HOXD10: variants seen among roughly 807,000 people sequenced by gnomAD.
HOXD10 encodes the protein homeobox D10.
A neutral mutation model predicts 27.0 loss-of-function variants in HOXD10; 15 were observed. That is an observed-to-expected ratio of 0.56 (90% CI 0.37 to 0.85). The LOEUF (loss-of-function observed/expected upper bound fraction) is 0.85. HOXD10 is among the 40% of genes least tolerant of loss of function. The pLI, the probability that HOXD10 is intolerant of heterozygous loss-of-function variation, is 0.00. For missense variants in HOXD10, 440 were observed against 430.4 expected, an observed-to-expected ratio of 1.02 and a Z score of -0.20; for synonymous variants, 178 against 160.9, an observed-to-expected ratio of 1.11 and a Z score of -0.80.
chr2:176,118,370 G>A (rs1574953345), intron 1 of HOXD10, among the ~76,000 whole-genome samples: 1 of 152,180 alleles, frequency 6.6e-6, no homozygotes, highest in Non-Finnish European at 1.5e-5. Flanking sequence ...GGAAATTCTG[G>A]GGAATGCAAC....
rs71409068 is a variant in HOXD10 at position 176,119,435 on chromosome 2, G to GTATGTATATATA, written c.*207_*208insGTATATATATAT. ...TGCAAGTGATCTGTAATCCCTATGA[G>GTATGTATATATA]TATATATATATATATATATATATAT... On this transcript the variant is annotated 3_prime_UTR_variant, in exon 2 of 2. Coordinates refer to ENST00000249501, the MANE Select transcript of HOXD10 (RefSeq NM_002148.4). 29 of 178,034 alleles carry GTATGTATATATA rather than the reference G, an allele frequency of 1.6e-4. No homozygotes were observed. The highest frequency in any genetic ancestry group is 8.8e-4 in the African/African-American group (19 of 21,524). 11.0% of individuals were successfully genotyped at this position (178,034 alleles called of 1,614,324 possible).
At position 176,117,228 on chromosome 2, in the gene HOXD10, A is replaced by G. The variant is rs1180072767; in HGVS notation, c.395A>G (p.Gln132Arg). 3 of 1,611,926 alleles carry G rather than the reference A, an allele frequency of 1.9e-6. No homozygotes were observed. Among genetic ancestry groups the G allele is most frequent in the African/African-American group, 1.3e-5 (1 of 74,998 alleles). The change falls in exon 1 of 2, where the codon CAG becomes CGG. Residue 132 changes from glutamine (Q) to arginine (R), a missense_variant. Gln to Arg is a conservative substitution (Grantham distance 43, BLOSUM62 1). Coordinates refer to ENST00000249501, the MANE Select transcript of HOXD10 (RefSeq NM_002148.4). ...ATTTCGGCCGAGGTCCCTTCGTACC[A>G]GAGGCTGGTCCCTGAGTCTTGTCCC... is the stretch of plus-strand genomic sequence containing the variant. Reference protein sequence around the residue: ...KLISAEVPSYQRLVPESCPVE... With the variant: ...KLISAEVPSYRRLVPESCPVE...
rs758777069 is a variant in HOXD10, at chr2:176,117,064, A to G, written c.231A>G (p.Gln77=). 3.7e-6 allele frequency: 6 copies of G among 1,614,228 alleles called. No individual in the cohort carries two copies. In the Admixed American group the frequency reaches 8.3e-5, roughly 22 times the overall value. Residue 77 remains glutamine (Q), a synonymous_variant, in exon 1 of 2, where the codon CAA becomes CAG. Transcript: ENST00000249501. The part of the protein sequence containing the change: ...MGMNVHPYIP[Q]VDSWTDPNRS... ...TGAATGTGCATCCTTATATACCTCA[A>G]GTAGACAGTTGGACAGATCCGAACA...
rs542070521 is a variant in HOXD10 at position 176,119,041 on chromosome 2, C to A, written c.833C>A (p.Thr278Lys). The part of the protein sequence containing the change: ...KKRCPYTKHQ[T>K]LELEKEFLFN... ...AGGTGCCCTTACACTAAGCACCAAA[C>A]GCTGGAATTAGAAAAAGAGTTCTTG... Residue 278 changes from threonine (T) to lysine (K), a missense_variant, in exon 2 of 2, where the codon ACG becomes AAG. Thr to Lys is a moderately conservative substitution (Grantham distance 78, BLOSUM62 -1). Transcript: ENST00000249501. The A allele has an allele frequency of 2.5e-6, 4 of 1,613,986 alleles. No homozygotes were observed. In the South Asian group the frequency reaches 4.4e-5, roughly 18 times the overall value.
chr2:176,117,485 A>G lies in HOXD10; in HGVS notation c.652A>G (p.Ser218Gly), dbSNP rs1442041568. The change falls in exon 1 of 2, where the codon AGC (serine) becomes GGC (glycine). Residue 218 changes from serine (S) to glycine (G), a missense_variant. Ser to Gly is a moderately conservative substitution (Grantham distance 56). Coordinates refer to ENST00000249501, the MANE Select transcript of HOXD10 (RefSeq NM_002148.4). ...GCCCACCAAAGTCTCCCAGGTGGAGAGCCCCGAGGCCAAAGGCGGCCTTCC... is the reference window on the plus strand; with the variant it reads ...GCCCACCAAAGTCTCCCAGGTGGAGGGCCCCGAGGCCAAAGGCGGCCTTCC... Reference protein sequence around the residue: ...QEPTKVSQVESPEAKGGLPEE... With the variant: ...QEPTKVSQVEGPEAKGGLPEE... 6.2e-7 allele frequency: 1 copy of G among 1,613,122 alleles called. No individual in the cohort carries two copies. The highest frequency in any genetic ancestry group is 2.2e-5 in the East Asian group (1 of 44,890).
rs1689769065 is a variant in HOXD10 at position 176,117,107 on chromosome 2, C to CA, written c.276dup (p.Pro93ThrfsTer16). On this transcript the variant is annotated frameshift_variant, in exon 1 of 2. Transcript: ENST00000249501. LOFTEE classifies it high-confidence loss of function. Reference sequence around the variant, plus strand: ...TCCGAACAGATCTTGTCGAATAGAGCAACCTGTTACACAGCAAGTCCCCAC... The same window carrying CA: ...TCCGAACAGATCTTGTCGAATAGAGCAAACCTGTTACACAGCAAGTCCCCAC... 6.2e-7 allele frequency: 1 copy of CA among 1,614,072 alleles called. No homozygotes were observed. The highest frequency in any genetic ancestry group is 1.7e-5 in the Admixed American group (1 of 60,012).
Position 176,119,307 on chromosome 2 carries a change from G to T in HOXD10, c.*76G>T, listed in dbSNP as rs558709855. The T allele has an allele frequency of 6.8e-7, 1 of 1,467,322 alleles. No homozygotes were observed. Among genetic ancestry groups the T allele is most frequent in the Admixed American group, 1.8e-5 (1 of 55,008 alleles). 90.9% of individuals were successfully genotyped at this position (1,467,322 alleles called of 1,614,324 possible). On this transcript the variant is annotated 3_prime_UTR_variant, in exon 2 of 2. Coordinates refer to ENST00000249501, the MANE Select transcript of HOXD10 (RefSeq NM_002148.4). ...CCGCGTTCCAGGGCCCAGTGCTGGA[G>T]GACTGGGAAAGCGGAAACAAAACCT... is the stretch of plus-strand genomic sequence containing the variant.
At chr2:176,117,631 G>T (rs1339282226) in intron 1 of HOXD10, 53 bp downstream of exon 1, 4 of 1,601,822 alleles carry the variant, frequency 2.5e-6, no homozygotes, top group Non-Finnish European at 1.7e-6. Flanking sequence ...CGGGAACCCG[G>T]CAGAGAGGGA....
intron 1 of HOXD10, 39 bp from the exon 2 acceptor site, chr2:176,118,915 C>T: frequency 2.6e-6 from 4 of 1,563,010 alleles, no homozygotes; most frequent in Non-Finnish European, 3.5e-6. Context: ...AACAAAAAAC[C>T]TCTTGATTTT....
intron 1 of HOXD10, among the ~76,000 whole-genome samples, chr2:176,118,671 C>G (rs1028614865): frequency 6.6e-6 from 1 of 152,090 alleles, no homozygotes; most frequent in African/African-American, 2.4e-5. Context: ...AAAGAGAGAG[C>G]GAGAACCCAA....
In HOXD10 at chr2:176,117,549, G is replaced by A; in HGVS notation, c.716G>A (p.Ser239Asn). The A allele has an allele frequency of 6.2e-7, 1 of 1,613,198 alleles. No homozygotes were observed. Among genetic ancestry groups the A allele is most frequent in the Non-Finnish European group, 8.5e-7 (1 of 1,180,048 alleles). ...TGCCTGGCTGAGGTCTCCGTGTCCA[G>A]TCCCGAAGTGCAGGAGAAGGAAAGC... ...RSCLAEVSVSSPEVQEKESKE... is the reference protein window; with the variant it reads ...RSCLAEVSVSNPEVQEKESKE... Residue 239 changes from serine to asparagine, a missense_variant, in exon 1 of 2, where the codon AGT (serine) becomes AAT (asparagine). Ser to Asn is a conservative substitution (Grantham distance 46). Transcript: ENST00000249501.
Position 176,117,356 on chromosome 2 carries a change from A to G in HOXD10, c.523A>G (p.Thr175Ala), listed in dbSNP as rs766383927. The stretch of plus-strand genomic sequence containing the variant: ...CAATAATAGCCCCGAAGGCAGCTCC[A>G]CTGTCATGCTCCAGCTCAACCCTCG... ...EYNNSPEGSSTVMLQLNPRGA... is the reference protein window; with the variant it reads ...EYNNSPEGSSAVMLQLNPRGA... Residue 175 changes from threonine (T) to alanine (A), a missense_variant, in exon 1 of 2, where the codon ACT (threonine) becomes GCT (alanine). By Grantham distance (58) the Thr-to-Ala change is moderately conservative. Transcript: ENST00000249501. The G allele has an allele frequency of 6.2e-6, 10 of 1,613,408 alleles. No individual in the cohort carries two copies. Among genetic ancestry groups the G allele is most frequent in the Non-Finnish European group, 8.5e-6 (10 of 1,179,976 alleles).
intron 1 of HOXD10, 37 bp downstream of exon 1, chr2:176,117,615 G>A (rs915180720): frequency 4.4e-6 from 7 of 1,608,624 alleles, no homozygotes; most frequent in South Asian, 2.2e-5. Context: ...AGCGGGGCGC[G>A]CAGCCCGGGA....
rs1255316579 is a variant in HOXD10 at position 176,117,340 on chromosome 2, C to T, written c.507C>T (p.Ser169=). 1.2e-6 allele frequency: 2 copies of T among 1,613,718 alleles called. No individual in the cohort carries two copies. Among genetic ancestry groups the T allele is most frequent in the African/African-American group, 1.3e-5 (1 of 74,932 alleles). ...ATGKTQEYNN[S]PEGSSTVMLQ... Reference sequence around the variant, plus strand: ...GGAAAACCCAAGAGTACAATAATAGCCCCGAAGGCAGCTCCACTGTCATGC... The same window carrying T: ...GGAAAACCCAAGAGTACAATAATAGTCCCGAAGGCAGCTCCACTGTCATGC... Residue 169 remains serine (S), a synonymous_variant, in exon 1 of 2, where the codon AGC becomes AGT. Coordinates refer to ENST00000249501, the MANE Select transcript of HOXD10 (RefSeq NM_002148.4).
intron 1 of HOXD10, among the ~76,000 whole-genome samples, chr2:176,118,630 C>T (rs753033360): frequency 6.6e-6 from 1 of 152,164 alleles, no homozygotes; most frequent in African/African-American, 2.4e-5. Context: ...GTTTACTATT[C>T]TACTAATGTT....
At position 176,116,919 on chromosome 2, in the gene HOXD10, C is replaced by T; in HGVS notation, c.86C>T (p.Ser29Phe). ...ISACRSDSFY[S>F]SSASMYMPPP... ...GCCTGCAGGAGTGACAGTTTTTATT[C>T]CAGCAGCGCCAGCATGTACATGCCA... Residue 29 changes from serine (S) to phenylalanine (F), a missense_variant, in exon 1 of 2, where the codon TCC becomes TTC. Transcript: ENST00000249501. 1 of 1,614,090 alleles carries T rather than the reference C, an allele frequency of 6.2e-7. No individual in the cohort carries two copies. Among genetic ancestry groups the T allele is most frequent in the Non-Finnish European group, 8.5e-7 (1 of 1,179,966 alleles).
chr2:176,117,545 T>C lies in HOXD10; in HGVS notation c.712T>C (p.Ser238Pro), dbSNP rs752469931. The change falls in exon 1 of 2, where the codon TCC becomes CCC. Residue 238 changes from serine (S) to proline (P), a missense_variant. Transcript: ENST00000249501. ...ERSCLAEVSVSSPEVQEKESK... is the reference protein window; with the variant it reads ...ERSCLAEVSVPSPEVQEKESK... ...GAGCTGCCTGGCTGAGGTCTCCGTG[T>C]CCAGTCCCGAAGTGCAGGAGAAGGA... 10 of 1,613,054 alleles carry C rather than the reference T, an allele frequency of 6.2e-6. No individual in the cohort carries two copies. The African/African-American group carries it at 1.3e-4, about 22-fold the overall frequency.
chr2:176,116,903 A>G lies in HOXD10; in HGVS notation c.70A>G (p.Ser24Gly). ...AGATTCCTTGATCAGTGCCTGCAGG[A>G]GTGACAGTTTTTATTCCAGCAGCGC... ...LVDSLISACR[S>G]DSFYSSSASM... The change falls in exon 1 of 2, where the codon AGT (serine) becomes GGT (glycine). Residue 24 changes from serine (S) to glycine (G), a missense_variant. Coordinates refer to ENST00000249501, the MANE Select transcript of HOXD10 (RefSeq NM_002148.4). 1.2e-6 allele frequency: 2 copies of G among 1,614,064 alleles called. No homozygotes were observed. The highest frequency in any genetic ancestry group is 1.7e-6 in the Non-Finnish European group (2 of 1,179,944).
At position 176,119,319 on chromosome 2, in the gene HOXD10, C is replaced by G. The variant is rs1405400657; in HGVS notation, c.*88C>G. 7.3e-7 allele frequency: 1 copy of G among 1,367,742 alleles called. No homozygotes were observed. The highest frequency in any genetic ancestry group is 1.0e-6 in the Non-Finnish European group (1 of 974,622). 84.7% of individuals were successfully genotyped at this position (1,367,742 alleles called of 1,614,324 possible). A position where few individuals can be genotyped will look rare whatever the true frequency, so the allele number is the denominator to read the frequency against. ...GCCCAGTGCTGGAGGACTGGGAAAG[C>G]GGAAACAAAACCTTCACCGCTCTTT... On this transcript the variant is annotated 3_prime_UTR_variant, in exon 2 of 2. Coordinates refer to ENST00000249501, the MANE Select transcript of HOXD10 (RefSeq NM_002148.4).
Sources: gnomAD v4.1 joint callset for allele counts (sites outside exome capture counted in the v4.1 genomes callset) on GRCh38, gnomAD v4.1.1 for gene constraint, MANE v1.5 for transcripts, NCBI Gene and HGNC (gene_info 2026-07-23, HGNC 2026-07-21) for gene names.